NELL1: variants seen among roughly 807,000 people sequenced by gnomAD.
NELL1 encodes the protein neural EGFL like 1, also known as protein kinase C-binding protein NELL1.
NELL1 carries 76 observed loss-of-function variants against 107.4 expected under a neutral mutation model. That is an observed-to-expected ratio of 0.71 (90% CI 0.59 to 0.86). NELL1 has a LOEUF of 0.86. Ranked by LOEUF, NELL1 falls within the 40% of genes least tolerant of loss-of-function variation. The probability of loss-of-function intolerance (pLI) is 0.00; values close to 1 mark genes in which losing one functional copy is unlikely to be tolerated. For missense variants in NELL1, 1,024 were observed against 1,005.5 expected (o/e 1.02, Z -0.25); for synonymous variants, 353 against 341.2 (o/e 1.03, Z -0.38).
At chr11:21,252,687 C>G (rs1479440530) in intron 14 of NELL1, among the ~76,000 whole-genome samples, 2 of 152,104 alleles carry the variant, frequency 1.3e-5, no homozygotes, top group East Asian at 3.9e-4. Flanking sequence ...TTCTCATACT[C>G]TGATCAAACG....
In NELL1 at chr11:21,181,773, T is replaced by TA. The variant is rs1035878979; in HGVS notation, c.1427-47556dup. ...GACTGCAGAAAAATTGCAGAAACCTTAAATCTTCATTTAATTAATAGAAAA... is the reference window on the plus strand; with the variant it reads ...GACTGCAGAAAAATTGCAGAAACCTTAAAATCTTCATTTAATTAATAGAAAA... On this transcript the variant is annotated intron_variant, in intron 13 of 19. Transcript: ENST00000357134. Among the ~76,000 whole-genome samples, 83 of 152,012 alleles carry TA rather than the reference T, an allele frequency of 5.5e-4. 1 individual carries two copies. Among genetic ancestry groups the TA allele is most frequent in the African/African-American group, 1.9e-3 (77 of 41,276 alleles).
intron 13 of NELL1, among the ~76,000 whole-genome samples, chr11:21,114,498 G>A (rs1329325086): frequency 2.6e-5 from 4 of 151,926 alleles, no homozygotes; most frequent in East Asian, 1.9e-4. Context: ...TTCCAATCAC[G>A]TTGGTATATA....
intron 15 of NELL1, among the ~76,000 whole-genome samples, chr11:21,412,913 C>G (rs185342531): frequency 6.6e-6 from 1 of 152,132 alleles, no homozygotes; most frequent in African/African-American, 2.4e-5. Context: ...CCAGAGGTAT[C>G]CCAGGGTATC....
At chr11:20,885,677 T>G (rs539568330) in intron 5 of NELL1, 137 bp downstream of exon 5, 1 of 617,218 alleles carries the variant, frequency 1.6e-6, no homozygotes, top group African/African-American at 1.8e-5. Flanking sequence ...TATTGAACAC[T>G]TACTTTGTGA....
intron 14 of NELL1, among the ~76,000 whole-genome samples, chr11:21,350,438 G>GA (rs1233506731): frequency 2.0e-5 from 3 of 151,664 alleles, no homozygotes; most frequent in South Asian, 4.1e-4. Flanking sequence ...AATCCAAAAG[G>GA]AAAAAAACTT....
At chr11:21,096,333 C>A (rs1047958750) in intron 12 of NELL1, among the ~76,000 whole-genome samples, 1 of 152,132 alleles carries the variant, frequency 6.6e-6, no homozygotes, top group Admixed American at 6.5e-5. Flanking sequence ...ACAGAATGTC[C>A]CTCTGTCTCT....
chr11:21,292,165 A>G (rs1849279149), intron 14 of NELL1, among the ~76,000 whole-genome samples: 1 of 152,202 alleles, frequency 6.6e-6, no homozygotes, highest in African/African-American at 2.4e-5. Context: ...ATGATTGTAT[A>G]TTTAGAACAC....
chr11:20,938,035 G>T (rs1267576991), intron 10 of NELL1, among the ~76,000 whole-genome samples, 176 bp downstream of exon 10: 1 of 152,208 alleles, frequency 6.6e-6, no homozygotes, highest in African/African-American at 2.4e-5. Context: ...CATTTATGTG[G>T]TTAGCTTGTG....
At chr11:21,252,460 C>A (rs941189353) in intron 14 of NELL1, among the ~76,000 whole-genome samples, 18 of 152,124 alleles carry the variant, frequency 1.2e-4, no homozygotes, top group African/African-American at 3.4e-4. Flanking sequence ...TCCCGTTTGA[C>A]CATGCGTAAG....
At chr11:21,493,657 G>C (rs910871510) in intron 15 of NELL1, among the ~76,000 whole-genome samples, 2 of 152,094 alleles carry the variant, frequency 1.3e-5, no homozygotes, top group Admixed American at 1.3e-4. Flanking sequence ...ATATAGTTAC[G>C]TAGAAGAAAT....
chr11:21,050,952 G>A (rs1415825787), intron 12 of NELL1, among the ~76,000 whole-genome samples: 1 of 152,200 alleles, frequency 6.6e-6, no homozygotes, highest in East Asian at 1.9e-4. Flanking sequence ...CTTTCCAATG[G>A]AAACGGATCC....
chr11:20,798,715 G>A (rs1194153630), intron 3 of NELL1, among the ~76,000 whole-genome samples: 1 of 152,218 alleles, frequency 6.6e-6, no homozygotes, highest in Non-Finnish European at 1.5e-5. Flanking sequence ...TGCAATGACA[G>A]TGATTCTGGG....
intron 12 of NELL1, among the ~76,000 whole-genome samples, chr11:20,986,790 A>T (rs187301256): frequency 6.6e-6 from 1 of 152,184 alleles, no homozygotes; most frequent in East Asian, 1.9e-4. Flanking sequence ...ATCATTGTAC[A>T]TGCTTTCAAC....
rs1857831178 is a variant in NELL1 at position 21,224,119 on chromosome 11, T to G, written c.1427-5213T>G. On this transcript the variant is annotated intron_variant, in intron 13 of 19. Coordinates refer to ENST00000357134, the MANE Select transcript of NELL1 (RefSeq NM_006157.5). ...TCTTTATCTTTGCCTTTTGAAAGTT[T>G]GACTATAATGTGCCTTGGCAAGGAC... Among the ~76,000 whole-genome samples, 4 of 152,350 alleles carry G rather than the reference T, an allele frequency of 2.6e-5. No homozygotes were observed. In the South Asian group the frequency reaches 8.3e-4, roughly 32 times the overall value.
rs1564995109 is a variant in NELL1, at chr11:20,975,649, G to GTATGTATTATATAATATACATATTATA, written c.1300+15105_1300+15131dup. On this transcript the variant is annotated intron_variant, in intron 12 of 19. Coordinates refer to ENST00000357134, the MANE Select transcript of NELL1 (RefSeq NM_006157.5). ...ATAATACATATATGTATTATATAAT[G>GTATGTATTATATAATATACATATTATA]TATGTATTATATAATATACATATTA... is the stretch of plus-strand genomic sequence containing the variant. 8.7e-5 allele frequency among the ~76,000 whole-genome samples: 11 copies of GTATGTATTATATAATATACATATTATA among 126,860 alleles called. No individual in the cohort carries two copies. In the East Asian group the frequency reaches 9.5e-4, roughly 11 times the overall value. The allele number at this position is 126,860 out of a possible 152,430, so 83.2% of individuals were successfully genotyped here. A position where few individuals can be genotyped will look rare whatever the true frequency, so the allele number is the denominator to read the frequency against.
chr11:21,324,265 G>A (rs1281344748), intron 14 of NELL1, among the ~76,000 whole-genome samples: 2 of 152,024 alleles, frequency 1.3e-5, no homozygotes, highest in East Asian at 3.9e-4. Context: ...TGGCAGAGCT[G>A]GGATTCGGAC....
intron 12 of NELL1, among the ~76,000 whole-genome samples, chr11:21,077,032 C>A (rs1444603034): frequency 6.6e-6 from 1 of 152,028 alleles, no homozygotes; most frequent in Non-Finnish European, 1.5e-5. Flanking sequence ...TATAGCAACA[C>A]AATGAACTAA....
At chr11:21,306,558 A>G (rs1397771122) in intron 14 of NELL1, among the ~76,000 whole-genome samples, 1 of 152,008 alleles carries the variant, frequency 6.6e-6, no homozygotes, top group Non-Finnish European at 1.5e-5. Flanking sequence ...TTTCTTTCTC[A>G]TTGGGTGTTC....
intron 14 of NELL1, among the ~76,000 whole-genome samples, chr11:21,244,041 C>G (rs1322423681): frequency 6.6e-6 from 1 of 152,008 alleles, no homozygotes; most frequent in Non-Finnish European, 1.5e-5. Context: ...ATCCATATAC[C>G]AGAGGTTGAG....
Sources: gnomAD v4.1 joint callset for allele counts (sites outside exome capture counted in the v4.1 genomes callset) on GRCh38, gnomAD v4.1.1 for gene constraint, MANE v1.5 for transcripts, NCBI Gene and HGNC (gene_info 2026-07-23, HGNC 2026-07-21) for gene names.